EXOC3: variants seen among roughly 807,000 people sequenced by gnomAD.
EXOC3 encodes the protein exocyst complex component 3.
EXOC3 carries 21 observed loss-of-function variants against 73.7 expected under a neutral mutation model. That is an observed-to-expected ratio of 0.29 (90% CI 0.20 to 0.41). EXOC3 has a LOEUF of 0.41. EXOC3 is among the 10% of genes least tolerant of loss of function. EXOC3 has a pLI of 1.00. For synonymous variants in EXOC3, 410 were observed against 389.1 expected (o/e 1.05, Z -0.63); for missense variants, 842 against 985.1 (o/e 0.85, Z 1.95).
In EXOC3 at chr5:465,165, A is replaced by G. The variant is rs759340712; in HGVS notation, c.1831A>G (p.Met611Val). The change falls in exon 11 of 13, where the codon ATG becomes GTG. Residue 611 changes from methionine (M) to valine (V), a missense_variant. Transcript: ENST00000512944. ...GGTGGTGGAGTACCTGCGGGCGGTC[A>G]TGCAGAAGCGCATTTCCTTCCGGAG... Reference protein sequence around the residue: ...RVVVEYLRAVMQKRISFRSPE... With the variant: ...RVVVEYLRAVVQKRISFRSPE... 10 of 1,597,226 alleles carry G rather than the reference A, an allele frequency of 6.3e-6. No homozygotes were observed. Among genetic ancestry groups the G allele is most frequent in the African/African-American group, 2.7e-5 (2 of 74,728 alleles).
intron 1 of EXOC3, among the ~76,000 whole-genome samples, chr5:444,727 G>A (rs1737453561): frequency 6.6e-6 from 1 of 152,108 alleles, no homozygotes; most frequent in African/African-American, 2.4e-5. Flanking sequence ...TGGGTGGCGG[G>A]ATTTAAGGGG....
intron 5 of EXOC3, chr5:457,244 G>C (rs1470711840): frequency 1.9e-6 from 1 of 526,306 alleles, no homozygotes; most frequent in African/African-American, 1.9e-5. Context: ...GTGAGCCTGT[G>C]CCCTACTCGG....
intron 9 of EXOC3, among the ~76,000 whole-genome samples, chr5:462,747 A>G (rs1738026811): frequency 6.6e-6 from 1 of 152,258 alleles, no homozygotes; most frequent in South Asian, 2.1e-4. Flanking sequence ...GGGTTATTTC[A>G]GAAACATAAA....
At position 465,821 on chromosome 5, in the gene EXOC3, T is replaced by C; in HGVS notation, c.2042T>C (p.Leu681Pro). 6.2e-7 allele frequency: 1 copy of C among 1,612,316 alleles called. No individual in the cohort carries two copies. Among genetic ancestry groups the C allele is most frequent in the Non-Finnish European group, 8.5e-7 (1 of 1,179,220 alleles). Reference protein sequence around the residue: ...PSLLYLEVSTLVSKYPDIRDD... With the variant: ...PSLLYLEVSTPVSKYPDIRDD... ...CTGCTCTACCTGGAGGTCTCCACTC[T>C]GGTCAGCAAGTATCCAGACATCAGG... The change falls in exon 12 of 13, where the codon CTG becomes CCG. Residue 681 changes from leucine to proline, a missense_variant. Leu to Pro is a moderately conservative substitution (Grantham distance 98). Transcript: ENST00000512944.
chr5:463,348 A>G (rs772941382), intron 9 of EXOC3, among the ~76,000 whole-genome samples: 8 of 152,244 alleles, frequency 5.3e-5, no homozygotes, highest in African/African-American at 7.2e-5. Context: ...AATATATAGA[A>G]AAATGGGCAA....
intron 12 of EXOC3, chr5:466,235 C>G (rs1010000280): frequency 3.8e-6 from 1 of 264,436 alleles, no homozygotes; most frequent in East Asian, 9.5e-5. Context: ...TTGGACCAGA[C>G]ACCTTCCGAG....
intron 2 of EXOC3, 32 bp downstream of exon 2, chr5:446,381 T>C: frequency 6.5e-7 from 1 of 1,543,056 alleles, no homozygotes; most frequent in Non-Finnish European, 8.7e-7. Flanking sequence ...CCAGGATCTG[T>C]CTTGGGCTTC....
At chr5:462,401 G>A (rs1297612308) in intron 9 of EXOC3, 94 bp downstream of exon 9, 8 of 1,427,382 alleles carry the variant, frequency 5.6e-6, no homozygotes, top group African/African-American at 4.2e-5. Flanking sequence ...TGTACCGTGC[G>A]GATGCCGTCT....
Position 462,267 on chromosome 5 carries a change from G to C in EXOC3, c.1613G>C (p.Gly538Ala), listed in dbSNP as rs1221754733. The C allele has an allele frequency of 6.2e-7, 1 of 1,613,884 alleles. No individual in the cohort carries two copies. The highest frequency in any genetic ancestry group is 8.5e-7 in the Non-Finnish European group (1 of 1,179,910). ...ATTTTAGACGCCATCGCGAAGGAGGGCTGCAGCGGTTTGCTGGAGGAGGTC... is the reference window on the plus strand; with the variant it reads ...ATTTTAGACGCCATCGCGAAGGAGGCCTGCAGCGGTTTGCTGGAGGAGGTC... ...DGILDAIAKE[G>A]CSGLLEEVFL... Residue 538 changes from glycine to alanine, a missense_variant, in exon 9 of 13, where the codon GGC becomes GCC. Gly to Ala is a moderately conservative substitution (Grantham distance 60). Coordinates refer to ENST00000512944, the MANE Select transcript of EXOC3 (RefSeq NM_007277.5).
Position 467,172 on chromosome 5 carries a change from G to T in EXOC3, c.*274G>T. ...TTGTTGCAGTGGTTGAAAGTGTGTGGGGCACAGAGGACGTGCACCTCCCTG... is the reference window on the plus strand; with the variant it reads ...TTGTTGCAGTGGTTGAAAGTGTGTGTGGCACAGAGGACGTGCACCTCCCTG... On this transcript the variant is annotated 3_prime_UTR_variant, in exon 13 of 13. Transcript: ENST00000512944. 2.2e-6 allele frequency: 1 copy of T among 452,138 alleles called. No homozygotes were observed. The highest frequency in any genetic ancestry group is 4.0e-6 in the Non-Finnish European group (1 of 251,268). The allele number at this position is 452,138 out of a possible 1,614,324, so 28.0% of individuals were successfully genotyped here. A position where few individuals can be genotyped will look rare whatever the true frequency, so the allele number is the denominator to read the frequency against.
chr5:463,821 A>G (rs773193550), intron 9 of EXOC3, among the ~76,000 whole-genome samples: 14 of 152,250 alleles, frequency 9.2e-5, no homozygotes, highest in Admixed American at 3.3e-4. Flanking sequence ...ATGTCCATCA[A>G]TAGAGAATTG....
chr5:453,719 T>G lies in EXOC3; in HGVS notation c.714T>G (p.Pro238=), dbSNP rs549225307. 6.2e-7 allele frequency: 1 copy of G among 1,613,924 alleles called. No homozygotes were observed. The highest frequency in any genetic ancestry group is 1.7e-5 in the Admixed American group (1 of 60,028). Residue 238 remains proline (P), a synonymous_variant, in exon 4 of 13, where the codon CCT becomes CCG. Coordinates refer to ENST00000512944, the MANE Select transcript of EXOC3 (RefSeq NM_007277.5). ...DRKKQTGFVP[P]GRPKNWKEKM... is the part of the protein sequence containing the mutation. Reference sequence around the variant, plus strand: ...AAAAGCAAACTGGCTTTGTTCCTCCTGGGAGGCCCAAGAATTGGAAGGAGA... The same window carrying G: ...AAAAGCAAACTGGCTTTGTTCCTCCGGGGAGGCCCAAGAATTGGAAGGAGA...
chr5:447,310 T>G, intron 2 of EXOC3: 1 of 526,526 alleles, frequency 1.9e-6, no homozygotes, highest in Non-Finnish European at 3.4e-6. Context: ...TCATCAAGGC[T>G]TTAAAATGCA....
At chr5:465,393 C>A in intron 11 of EXOC3, 121 bp downstream of exon 11, 1 of 1,183,638 alleles carries the variant, frequency 8.4e-7, no homozygotes, top group Non-Finnish European at 1.2e-6. Flanking sequence ...GCGGGGGGAG[C>A]CTGGGTCCAG....
At chr5:459,524 T>G in intron 7 of EXOC3, 65 bp downstream of exon 7, 1 of 834,394 alleles carries the variant, frequency 1.2e-6, no homozygotes, top group South Asian at 1.7e-5. Context: ...AAGCAAAAAT[T>G]TTTTGATCCT....
chr5:465,946 C>A, intron 12 of EXOC3, 101 bp downstream of exon 12: 2 of 1,353,794 alleles, frequency 1.5e-6, no homozygotes, highest in Non-Finnish European at 2.0e-6. Flanking sequence ...TTCGCAAGTT[C>A]AGCCCTGCAG....
chr5:456,394 G>A (rs1178387061), intron 4 of EXOC3, among the ~76,000 whole-genome samples: 2 of 75,686 alleles, frequency 2.6e-5, no homozygotes. Context: ...GCCCGTGGCT[G>A]TGGGGGCGGC....
At position 461,792 on chromosome 5, in the gene EXOC3, C is replaced by T; in HGVS notation, c.1392-168C>T. 5 of 603,376 alleles carry T rather than the reference C, an allele frequency of 8.3e-6. No homozygotes were observed. In the South Asian group the frequency reaches 1.0e-4, roughly 12 times the overall value. 37.4% of individuals were successfully genotyped at this position (603,376 alleles called of 1,614,324 possible). On this transcript the variant is annotated intron_variant, in intron 7 of 12. Coordinates refer to ENST00000512944, the MANE Select transcript of EXOC3 (RefSeq NM_007277.5). ...GATCCATTTAAAGTAATCAACCTCT[C>T]TGTCCTTCCATTAGTCTGGATCGTC...
chr5:466,510 A>G (rs926637566), intron 12 of EXOC3: 2 of 545,846 alleles, frequency 3.7e-6, no homozygotes, highest in Admixed American at 3.2e-5. Flanking sequence ...TTATAAAAGC[A>G]GTGTTGAAAA....
Sources: gnomAD v4.1 joint callset for allele counts (sites outside exome capture counted in the v4.1 genomes callset) on GRCh38, gnomAD v4.1.1 for gene constraint, MANE v1.5 for transcripts, NCBI Gene and HGNC (gene_info 2026-07-23, HGNC 2026-07-21) for gene names.